HERC3: variants seen among roughly 807,000 people sequenced by gnomAD.
HERC3 encodes probable E3 ubiquitin-protein ligase HERC3.
A neutral mutation model predicts 129.9 loss-of-function variants in HERC3; 58 were observed. The observed-to-expected ratio is 0.45, with a 90% CI of 0.36 to 0.56. The LOEUF is 0.56. Ranked by LOEUF, HERC3 falls within the 20% of genes least tolerant of loss-of-function variation. The probability of loss-of-function intolerance (pLI) is 0.00; values close to 1 mark genes in which losing one functional copy is unlikely to be tolerated. For missense variants in HERC3, 835 were observed against 1,244.2 expected (o/e 0.67, Z 4.95); for synonymous variants, 430 against 451.0 (o/e 0.95, Z 0.59).
chr4:88,686,908 C>A, intron 22 of HERC3, 106 bp downstream of exon 22: 1 of 878,318 alleles, frequency 1.1e-6, no homozygotes, highest in East Asian at 2.6e-5. Flanking sequence ...AAGTCAGAGA[C>A]TTCTTTGAAT....
At chr4:88,633,977 C>T (rs1022396513) in intron 3 of HERC3, among the ~76,000 whole-genome samples, 3 of 152,144 alleles carry the variant, frequency 2.0e-5, no homozygotes, top group Non-Finnish European at 4.4e-5. Flanking sequence ...TTGGAAGCTC[C>T]CATGGAAAAG....
chr4:88,654,173 T>A (rs2860427), intron 7 of HERC3, 40 bp downstream of exon 7: 439,827 of 1,360,442 alleles, frequency 0.32, 84,888 homozygotes, highest in African/African-American at 0.8. Flanking sequence ...GCTGGGGATA[T>A]GATGGGTGAT....
At chr4:88,634,405 G>A (rs1268110064) in intron 3 of HERC3, among the ~76,000 whole-genome samples, 7 of 152,186 alleles carry the variant, frequency 4.6e-5, no homozygotes, top group Admixed American at 4.6e-4. Flanking sequence ...TTGTGGGAGG[G>A]GTGGCAGCCA....
chr4:88,673,220 C>T (rs780004505), intron 16 of HERC3, among the ~76,000 whole-genome samples: 8 of 152,114 alleles, frequency 5.3e-5, no homozygotes, highest in East Asian at 1.9e-4. Context: ...TTAAAGGAGA[C>T]GCAGCCAGGC....
At chr4:88,603,595 C>T (rs1179617231) in intron 2 of HERC3, among the ~76,000 whole-genome samples, 2 of 152,206 alleles carry the variant, frequency 1.3e-5, no homozygotes, top group East Asian at 1.9e-4. Context: ...CCTTTCGTCT[C>T]TAAATCTTGG....
At chr4:88,704,046 A>G (rs1735554031) in intron 23 of HERC3, 52 bp from the exon 24 acceptor site, 27 of 1,528,628 alleles carry the variant, frequency 1.8e-5, no homozygotes, top group East Asian at 2.3e-5. Context: ...GGGTAACTTC[A>G]TAAGCTTTAC....
intron 21 of HERC3, 86 bp downstream of exon 21, chr4:88,681,411 A>G: frequency 8.5e-7 from 1 of 1,182,512 alleles, no homozygotes; most frequent in East Asian, 2.4e-5. Context: ...CCATCTGTAC[A>G]AATCTGAGTT....
chr4:88,699,611 T>C (rs971901109), intron 23 of HERC3, among the ~76,000 whole-genome samples: 2 of 151,778 alleles, frequency 1.3e-5, no homozygotes, highest in African/African-American at 4.8e-5. Context: ...TCTTACTGCA[T>C]GTATCACTTA....
In HERC3 at chr4:88,606,282, C is replaced by T. The variant is rs1429794616; in HGVS notation, c.226+233C>T. Among the ~76,000 whole-genome samples the T allele has an allele frequency of 4.1e-5, 6 of 146,896 alleles. No homozygotes were observed. In the East Asian group the frequency reaches 5.9e-4, roughly 15 times the overall value. Reference sequence around the variant, plus strand: ...TTTTTTTTTTTTTGAGATATGGTCTCGCTCCGTCGCCCAGGCTTGAGTGCA... The same window carrying T: ...TTTTTTTTTTTTTGAGATATGGTCTTGCTCCGTCGCCCAGGCTTGAGTGCA... On this transcript the variant is annotated intron_variant, in intron 3 of 25. Coordinates refer to ENST00000402738, the MANE Select transcript of HERC3 (RefSeq NM_014606.3).
the HERC3 span, among the ~76,000 whole-genome samples, chr4:88,577,430 C>A: frequency 1.3e-5 from 2 of 152,030 alleles, no homozygotes; most frequent in African/African-American, 4.8e-5. Context: ...CCCATATTGA[C>A]TACAATTTCA....
the HERC3 span, among the ~76,000 whole-genome samples, chr4:88,544,748 A>T: frequency 3.9e-5 from 6 of 152,188 alleles, no homozygotes; most frequent in Admixed American, 1.3e-4. Flanking sequence ...CATAAAAAGG[A>T]TGAGTTCATG....
chr4:88,642,967 C>A (rs1190160302), intron 3 of HERC3, among the ~76,000 whole-genome samples: 1 of 151,968 alleles, frequency 6.6e-6, no homozygotes, highest in East Asian at 1.9e-4. Flanking sequence ...GAAAAAAAAC[C>A]ATCTCTATTC....
chr4:88,632,529 G>A (rs1249919931), intron 3 of HERC3, among the ~76,000 whole-genome samples: 3 of 152,174 alleles, frequency 2.0e-5, no homozygotes, highest in Non-Finnish European at 2.9e-5. Context: ...TCAACAAGCT[G>A]GCCCAAATAC....
At chr4:88,654,009 G>A (rs745751593) in intron 6 of HERC3, 33 bp from the exon 7 acceptor site, 140 of 1,459,854 alleles carry the variant, frequency 9.6e-5, no homozygotes, top group East Asian at 3.0e-4. Flanking sequence ...AAAGGCAAAT[G>A]GTAGTGATAT....
chr4:88,577,581 A>C, the HERC3 span, among the ~76,000 whole-genome samples: 1 of 142,484 alleles, frequency 7.0e-6, no homozygotes, highest in Non-Finnish European at 1.5e-5. Context: ...ATCTTATACT[A>C]TGTATATATG....
chr4:88,561,393 G>GTA, the HERC3 span, among the ~76,000 whole-genome samples: 4 of 151,926 alleles, frequency 2.6e-5, no homozygotes, highest in East Asian at 7.7e-4. Context: ...TACATAGTAG[G>GTA]TATATATATT....
chr4:88,639,738 G>T (rs1422850810), intron 3 of HERC3, among the ~76,000 whole-genome samples: 1 of 152,146 alleles, frequency 6.6e-6, no homozygotes, highest in Non-Finnish European at 1.5e-5. Context: ...TTGACAAATG[G>T]GATCTAATTA....
At chr4:88,593,933 A>T (rs1340990542) in intron 1 of HERC3, among the ~76,000 whole-genome samples, 2 of 152,226 alleles carry the variant, frequency 1.3e-5, no homozygotes, top group Non-Finnish European at 2.9e-5. Context: ...AAGTACATGG[A>T]TTGCATATCC....
chr4:88,592,151 C>T (rs143152492), upstream of HERC3, among the ~76,000 whole-genome samples: 1 of 152,272 alleles, frequency 6.6e-6, no homozygotes, highest in African/African-American at 2.4e-5. Context: ...TAGGCAACCG[C>T]TGATCGGTCC....
Sources: gnomAD v4.1 joint callset for allele counts (sites outside exome capture counted in the v4.1 genomes callset) on GRCh38, gnomAD v4.1.1 for gene constraint, MANE v1.5 for transcripts, NCBI Gene and HGNC (gene_info 2026-07-23, HGNC 2026-07-21) for gene names.